The following THRB variants were observed in gnomAD, a reference collection of about 807,000 sequenced individuals.
THRB encodes the protein thyroid hormone receptor beta.
Under a neutral mutation model 47.8 loss-of-function variants are expected in THRB, and 12 were observed. That is an observed-to-expected ratio of 0.25 (90% CI 0.16 to 0.41). The LOEUF is 0.41. Among genes scored for constraint, THRB ranks in the 10% least tolerant of loss-of-function variants. The pLI is 1.00. For missense variants in THRB, 348 were observed against 589.2 expected, an observed-to-expected ratio of 0.59 and a Z score of 4.24; for synonymous variants, 218 against 212.2, an observed-to-expected ratio of 1.03 and a Z score of -0.24.
At chr3:24,285,198 A>G in intron 3 of THRB, among the ~76,000 whole-genome samples, 1 of 149,150 alleles carries the variant, frequency 6.7e-6, no homozygotes, top group Non-Finnish European at 1.5e-5. Context: ...TCCAACAATG[A>G]TAGACTGGAT....
intron 3 of THRB, among the ~76,000 whole-genome samples, chr3:24,246,233 G>A (rs1169311691): frequency 6.6e-6 from 1 of 152,202 alleles, no homozygotes; most frequent in Non-Finnish European, 1.5e-5. Context: ...GGATAACTGA[G>A]TATTGGGTAC....
chr3:24,401,970 G>A (rs2067438928), intron 1 of THRB, among the ~76,000 whole-genome samples: 1 of 152,060 alleles, frequency 6.6e-6, no homozygotes, highest in Non-Finnish European at 1.5e-5. Flanking sequence ...GAACACCTGA[G>A]CTACCACCTG....
intron 3 of THRB, among the ~76,000 whole-genome samples, chr3:24,271,194 T>A (rs1359700981): frequency 6.6e-6 from 1 of 152,216 alleles, no homozygotes; most frequent in African/African-American, 2.4e-5. Context: ...TCTTTTTTTA[T>A]TCTTACAAAA....
intron 1 of THRB, chr3:24,494,247 C>T (rs1339462035): frequency 6.6e-6 from 1 of 152,426 alleles, no homozygotes; most frequent in African/African-American, 2.4e-5. Context: ...CCATGTCACA[C>T]AACTTCCTCA....
chr3:24,138,484 A>G (rs771046617), intron 8 of THRB, among the ~76,000 whole-genome samples: 30 of 152,166 alleles, frequency 2.0e-4, no homozygotes, highest in Non-Finnish European at 3.4e-4. Flanking sequence ...ACCCACTTGT[A>G]TCTATTGCTT....
chr3:24,195,427 A>T (rs2043843440), intron 4 of THRB, among the ~76,000 whole-genome samples: 1 of 152,124 alleles, frequency 6.6e-6, no homozygotes, highest in South Asian at 2.1e-4. Flanking sequence ...TTGTGCTTTG[A>T]AAGTTCTTTA....
chr3:24,147,635 A>G (rs968397785), intron 6 of THRB, among the ~76,000 whole-genome samples: 2 of 152,226 alleles, frequency 1.3e-5, no homozygotes, highest in Non-Finnish European at 2.9e-5. Flanking sequence ...AAGAATGTGC[A>G]ATACTAGAAT....
chr3:24,307,998 T>C (rs1404306025), intron 2 of THRB, among the ~76,000 whole-genome samples: 3 of 152,114 alleles, frequency 2.0e-5, no homozygotes, highest in Non-Finnish European at 4.4e-5. Context: ...ATTTTGCCCA[T>C]CCGGCAAAGA....
rs548539412 is a variant in THRB, at chr3:24,267,472, A to T, written c.-43+29754T>A. Among the ~76,000 whole-genome samples the T allele has an allele frequency of 1.8e-4, 28 of 152,260 alleles. No homozygotes were observed. The South Asian group carries it at 5.2e-3, about 28-fold the overall frequency. On this transcript the variant is annotated intron_variant, in intron 3 of 10. Transcript: ENST00000646209. Reference sequence around the variant, plus strand: ...ACCACTGACAAAAATTCTCTGCTAGACCAAAATTTAGTCAGCCTCCTGAAG... The same window carrying T: ...ACCACTGACAAAAATTCTCTGCTAGTCCAAAATTTAGTCAGCCTCCTGAAG...
chr3:24,462,309 A>C (rs1217421834), intron 1 of THRB, among the ~76,000 whole-genome samples: 1 of 152,244 alleles, frequency 6.6e-6, no homozygotes. Context: ...ATTATTCCTT[A>C]GAATTAAGAA....
intron 1 of THRB, among the ~76,000 whole-genome samples, chr3:24,464,802 A>G (rs1035896874): frequency 1.7e-4 from 26 of 152,192 alleles, no homozygotes; most frequent in African/African-American, 6.0e-4. Flanking sequence ...CTAAATTTGT[A>G]AACCAACCAA....
chr3:24,145,745 A>G (rs1490114150), intron 7 of THRB, among the ~76,000 whole-genome samples: 4 of 152,206 alleles, frequency 2.6e-5, no homozygotes, highest in Non-Finnish European at 5.9e-5. Context: ...TATTTCTCAC[A>G]TAAAATGTGA....
intron 3 of THRB, among the ~76,000 whole-genome samples, chr3:24,244,356 G>A (rs2049893917): frequency 6.6e-6 from 1 of 152,146 alleles, no homozygotes; most frequent in Non-Finnish European, 1.5e-5. Flanking sequence ...ATTATTTCTT[G>A]TCAGGCATGT....
chr3:24,219,458 T>A (rs1418173010), intron 4 of THRB, among the ~76,000 whole-genome samples: 1 of 152,184 alleles, frequency 6.6e-6, no homozygotes, highest in Non-Finnish European at 1.5e-5. Flanking sequence ...GCTGGAGAGT[T>A]TGCTGTTCTG....
intron 1 of THRB, among the ~76,000 whole-genome samples, chr3:24,360,027 T>C (rs1354601): frequency 0.095 from 14,429 of 152,196 alleles, 1,827 homozygotes; most frequent in African/African-American, 0.29. Context: ...CAGAGCTGGC[T>C]ATTCTTTCTA....
At chr3:24,429,416 G>A (rs562820407) in intron 1 of THRB, among the ~76,000 whole-genome samples, 1 of 151,962 alleles carries the variant, frequency 6.6e-6, no homozygotes, top group Admixed American at 6.6e-5. Context: ...GATATCCTCA[G>A]GGTAAGACTG....
chr3:24,345,142 C>T (rs55983102), intron 1 of THRB, among the ~76,000 whole-genome samples: 1,991 of 152,254 alleles, frequency 0.013, 19 homozygotes, highest in South Asian at 0.025. Context: ...GTAATTTATA[C>T]GGTGCAACTA....
At chr3:24,430,432 G>A (rs1055987335) in intron 1 of THRB, among the ~76,000 whole-genome samples, 26 of 152,010 alleles carry the variant, frequency 1.7e-4, no homozygotes, top group Non-Finnish European at 7.4e-5. Context: ...GAGAAAAATG[G>A]AATCAGATCC....
chr3:24,135,900 G>T (rs1398566505), intron 8 of THRB, among the ~76,000 whole-genome samples: 1 of 146,424 alleles, frequency 6.8e-6, no homozygotes, highest in Non-Finnish European at 1.5e-5. Flanking sequence ...TATGTAGGAT[G>T]AACTTTTTAA....
Sources: allele counts gnomAD v4.1 joint callset (sites outside exome capture counted in the v4.1 genomes callset), GRCh38; gene constraint gnomAD v4.1.1; transcripts MANE v1.5; gene names NCBI Gene and HGNC (gene_info 2026-07-23, HGNC 2026-07-21).